GALNTL6: variants seen among roughly 807,000 people sequenced by gnomAD.
The protein encoded by GALNTL6 is polypeptide N-acetylgalactosaminyltransferase-like 6.
GALNTL6 carries 46 observed loss-of-function variants against 73.7 expected under a neutral mutation model. The observed-to-expected ratio is 0.62, with a 90% CI of 0.49 to 0.80. The LOEUF (loss-of-function observed/expected upper bound fraction) is 0.80, where lower values mean the gene tolerates loss of function less well. Ranked by LOEUF, GALNTL6 falls within the 30% of genes least tolerant of loss-of-function variation. The probability of loss-of-function intolerance (pLI) is 0.00; values close to 1 mark genes in which losing one functional copy is unlikely to be tolerated. For synonymous variants in GALNTL6, 259 were observed against 263.7 expected (o/e 0.98, Z 0.17); for missense variants, 604 against 755.0 (o/e 0.80, Z 2.34).
intron 5 of GALNTL6, among the ~76,000 whole-genome samples, chr4:172,517,949 T>C (rs1394670850): frequency 3.9e-5 from 6 of 152,114 alleles, no homozygotes; most frequent in Non-Finnish European, 8.8e-5. Context: ...TGGTTGATTC[T>C]TTTAAAAAGA....
At chr4:171,967,460 T>TG (rs1414283151) in intron 2 of GALNTL6, among the ~76,000 whole-genome samples, 6 of 150,360 alleles carry the variant, frequency 4.0e-5, no homozygotes, top group South Asian at 2.1e-4. Context: ...TTTTTTTTTT[T>TG]TTTTTGTAGA....
intron 2 of GALNTL6, among the ~76,000 whole-genome samples, chr4:172,191,738 A>G (rs951514158): frequency 3.9e-5 from 6 of 152,182 alleles, no homozygotes; most frequent in African/African-American, 1.4e-4. Context: ...GATTCTATAT[A>G]GATTTCATTC....
At chr4:172,800,827 CG>C (rs1163534454) in intron 5 of GALNTL6, among the ~76,000 whole-genome samples, 1 of 48,616 alleles carries the variant, frequency 2.1e-5, no homozygotes, top group African/African-American at 6.9e-5. Context: ...GTTATGTCAT[CG>C]GAAAAAAAAA....
At chr4:172,156,565 A>ATATG (rs1553997766) in intron 2 of GALNTL6, among the ~76,000 whole-genome samples, 2 of 112,956 alleles carry the variant, frequency 1.8e-5, no homozygotes, top group African/African-American at 7.1e-5. Flanking sequence ...ATATATATAT[A>ATATG]TACATACTAT....
intron 2 of GALNTL6, among the ~76,000 whole-genome samples, chr4:172,169,355 A>C (rs1734738003): frequency 6.6e-6 from 1 of 152,220 alleles, no homozygotes; most frequent in Admixed American, 6.5e-5. Context: ...ATTTTAGACA[A>C]CTTCTAAGGT....
intron 3 of GALNTL6, among the ~76,000 whole-genome samples, chr4:172,295,850 A>C (rs1739653560): frequency 6.6e-6 from 1 of 152,032 alleles, no homozygotes; most frequent in African/African-American, 2.4e-5. Flanking sequence ...TTAACTAGTA[A>C]GTTAATTTTT....
intron 2 of GALNTL6, among the ~76,000 whole-genome samples, chr4:172,057,716 AAAAAAAAAAAAATAT>A (rs1560904096): frequency 3.7e-5 from 4 of 108,074 alleles, no homozygotes; most frequent in South Asian, 6.7e-4. Context: ...AAAAAAAAAA[AAAAAAAAAAAAATAT>A]ATATATATAT....
At chr4:172,490,918 T>C (rs1733872098) in intron 5 of GALNTL6, among the ~76,000 whole-genome samples, 1 of 152,150 alleles carries the variant, frequency 6.6e-6, no homozygotes, top group South Asian at 2.1e-4. Flanking sequence ...TAAGTATTTA[T>C]GAAGCACATA....
At chr4:172,616,532 C>CTCT (rs1738738839) in intron 5 of GALNTL6, among the ~76,000 whole-genome samples, 1 of 117,416 alleles carries the variant, frequency 8.5e-6, no homozygotes, top group African/African-American at 3.3e-5. Flanking sequence ...AATCCATACT[C>CTCT]TTTTTTTTTT....
chr4:172,511,666 T>A (rs1734446024), intron 5 of GALNTL6, among the ~76,000 whole-genome samples: 1 of 55,404 alleles, frequency 1.8e-5, no homozygotes, highest in African/African-American at 4.5e-5. Flanking sequence ...AAGGAATTTT[T>A]TTATTTCCAT....
At chr4:172,177,786 T>TGTGTATATATATACACACACATATATAC (rs1735073036) in intron 2 of GALNTL6, among the ~76,000 whole-genome samples, 1 of 140,792 alleles carries the variant, frequency 7.1e-6, no homozygotes, top group South Asian at 2.1e-4. Context: ...TATATACACA[T>TGTGTATATATATACACACACATATATAC]GTGTATATAT....
intron 4 of GALNTL6, among the ~76,000 whole-genome samples, chr4:172,346,718 G>A (rs1378708140): frequency 2.0e-5 from 3 of 152,088 alleles, no homozygotes; most frequent in Non-Finnish European, 4.4e-5. Context: ...TTGGAGCCTG[G>A]CCTATATCAA....
chr4:172,965,605 T>A (rs1443095283), intron 10 of GALNTL6, among the ~76,000 whole-genome samples: 1 of 147,624 alleles, frequency 6.8e-6, no homozygotes, highest in East Asian at 2.0e-4. Flanking sequence ...AAATAAAAAT[T>A]AAAAGTAAAA....
chr4:172,554,334 A>G (rs148165244), intron 5 of GALNTL6, among the ~76,000 whole-genome samples: 1 of 152,300 alleles, frequency 6.6e-6, no homozygotes, highest in African/African-American at 2.4e-5. Context: ...TTCCTTTATA[A>G]GTGGACATTG....
At chr4:172,435,469 C>T (rs1003999390) in intron 5 of GALNTL6, among the ~76,000 whole-genome samples, 5 of 152,212 alleles carry the variant, frequency 3.3e-5, no homozygotes, top group South Asian at 2.1e-4. Flanking sequence ...ATCTGTGAGA[C>T]GTTGATGAGT....
At chr4:171,969,665 G>T (rs332976) in intron 2 of GALNTL6, among the ~76,000 whole-genome samples, 139,484 of 152,252 alleles carry the variant, frequency 0.92, 64,967 homozygotes, top group Non-Finnish European at 1. Flanking sequence ...AAAACTAGTC[G>T]TCAGCCTTGC....
intron 2 of GALNTL6, among the ~76,000 whole-genome samples, chr4:171,892,214 G>T (rs964841757): frequency 3.9e-5 from 6 of 152,138 alleles, no homozygotes; most frequent in African/African-American, 1.4e-4. Flanking sequence ...AGTCCAAAAA[G>T]ATCTGAAATC....
intron 2 of GALNTL6, among the ~76,000 whole-genome samples, chr4:171,923,786 C>CTGTGTGTGTGTGTGTGTGTGTG (rs563244976): frequency 4.6e-4 from 61 of 133,282 alleles, no homozygotes; most frequent in South Asian, 1.3e-3. Context: ...AAAAGTATTG[C>CTGTGTGTGTGTGTGTGTGTGTG]TGTGTGTGTG....
intron 5 of GALNTL6, among the ~76,000 whole-genome samples, chr4:172,540,262 G>A (rs987954087): frequency 4.0e-5 from 6 of 151,646 alleles, no homozygotes; most frequent in Non-Finnish European, 7.4e-5. Context: ...TTTTGGCCTC[G>A]ATCTCCTGAC....
Sources: allele counts gnomAD v4.1 joint callset (sites outside exome capture counted in the v4.1 genomes callset), GRCh38; gene constraint gnomAD v4.1.1; transcripts MANE v1.5; gene names NCBI Gene and HGNC (gene_info 2026-07-23, HGNC 2026-07-21).